Variants in PRELID2 observed in about 807,000 individuals in gnomAD.
PRELID2 encodes PRELI domain-containing protein 2.
A neutral mutation model predicts 28.4 loss-of-function variants in PRELID2; 25 were observed. That is an observed-to-expected ratio of 0.88 (90% CI 0.64 to 1.23). PRELID2 has a LOEUF of 1.23. Ranked by LOEUF, PRELID2 falls within the 50% of genes most tolerant of loss-of-function variation. PRELID2 has a pLI of 0.00. For missense variants in PRELID2, 201 were observed against 214.4 expected, an observed-to-expected ratio of 0.94 and a Z score of 0.39; for synonymous variants, 76 against 71.6, an observed-to-expected ratio of 1.06 and a Z score of -0.31.
chr5:145,420,018 T>C, the PRELID2 span, among the ~76,000 whole-genome samples: 3 of 152,174 alleles, frequency 2.0e-5, no homozygotes, highest in South Asian at 2.1e-4. Flanking sequence ...TTTTCTCAAG[T>C]TTGTCAAAGA....
At chr5:145,683,490 T>C (rs1204309929) in intron 1 of PRELID2, among the ~76,000 whole-genome samples, 2 of 152,168 alleles carry the variant, frequency 1.3e-5, no homozygotes, top group African/African-American at 2.4e-5. Flanking sequence ...TCAGGATGTT[T>C]GGTTTCTTCT....
At chr5:145,735,451 A>G (rs961522380) in intron 1 of PRELID2, among the ~76,000 whole-genome samples, 8 of 152,176 alleles carry the variant, frequency 5.3e-5, no homozygotes, top group African/African-American at 1.9e-4. Flanking sequence ...GAAAGAGGGA[A>G]AATAAGATTT....
At chr5:145,454,517 A>T in the PRELID2 span, among the ~76,000 whole-genome samples, 1 of 152,212 alleles carries the variant, frequency 6.6e-6, no homozygotes, top group Non-Finnish European at 1.5e-5. Flanking sequence ...ACATGATTGT[A>T]TATCTAGAAA....
the PRELID2 span, among the ~76,000 whole-genome samples, chr5:145,383,352 A>G: frequency 2.0e-5 from 3 of 151,108 alleles, no homozygotes; most frequent in African/African-American, 7.3e-5. Context: ...ACACACATAC[A>G]CACGTCCATA....
At chr5:145,741,943 ATAAATTTATTATAAT>A (rs374261661) in intron 1 of PRELID2, among the ~76,000 whole-genome samples, 97,553 of 122,562 alleles carry the variant, frequency 0.8, 39,592 homozygotes, top group East Asian at 0.88. Flanking sequence ...TTATAAATAA[ATAAATTTATTATAAT>A]TAAATAAATA....
chr5:145,267,701 A>T, the PRELID2 span, among the ~76,000 whole-genome samples: 91 of 152,276 alleles, frequency 6.0e-4, no homozygotes, highest in Non-Finnish European at 9.3e-4. Flanking sequence ...ATCATACGGT[A>T]GCTCTAATTT....
the PRELID2 span, among the ~76,000 whole-genome samples, chr5:145,286,732 T>TG: frequency 1.1e-3 from 164 of 147,584 alleles, no homozygotes; most frequent in African/African-American, 4.0e-3. Flanking sequence ...TTGTTTTTTT[T>TG]TTTTTTTGAG....
At chr5:145,740,303 T>TTG (rs1756629382) in intron 1 of PRELID2, among the ~76,000 whole-genome samples, 1 of 95,854 alleles carries the variant, frequency 1.0e-5, no homozygotes, top group Non-Finnish European at 2.1e-5. Context: ...TATATATATA[T>TTG]ATATATATAT....
chr5:145,748,204 G>C (rs568359489), intron 1 of PRELID2, among the ~76,000 whole-genome samples: 2 of 152,332 alleles, frequency 1.3e-5, no homozygotes, highest in African/African-American at 2.4e-5. Context: ...AATAGGAAGA[G>C]AGGAAGTCAA....
At chr5:145,652,810 A>G (rs191085767) in intron 1 of PRELID2, among the ~76,000 whole-genome samples, 37 of 152,368 alleles carry the variant, frequency 2.4e-4, no homozygotes, top group East Asian at 2.1e-3. Context: ...CAAAGTGTAA[A>G]GACCATCGAT....
the PRELID2 span, among the ~76,000 whole-genome samples, chr5:145,393,291 G>C: frequency 6.6e-6 from 1 of 152,114 alleles, no homozygotes; most frequent in Non-Finnish European, 1.5e-5. Flanking sequence ...CAAATGTCAT[G>C]CTCTTCAGGG....
chr5:145,259,886 C>T, the PRELID2 span, among the ~76,000 whole-genome samples: 1 of 152,148 alleles, frequency 6.6e-6, no homozygotes, highest in Non-Finnish European at 1.5e-5. Flanking sequence ...ATCTGTGTCA[C>T]TGCCCAAATC....
At chr5:145,794,643 GA>G (rs1426219410) in intron 5 of PRELID2, among the ~76,000 whole-genome samples, 3 of 152,112 alleles carry the variant, frequency 2.0e-5, no homozygotes, top group African/African-American at 7.2e-5. Context: ...AGGAAGCAGG[GA>G]AAGCAGTTAC....
the PRELID2 span, among the ~76,000 whole-genome samples, chr5:145,284,838 A>G: frequency 6.6e-6 from 1 of 152,142 alleles, no homozygotes; most frequent in African/African-American, 2.4e-5. Flanking sequence ...TAAACTCTTC[A>G]AAATTTTAAA....
the PRELID2 span, among the ~76,000 whole-genome samples, chr5:145,293,922 GT>G: frequency 1.3e-5 from 2 of 152,174 alleles, no homozygotes; most frequent in African/African-American, 2.4e-5. Flanking sequence ...TACTTGATGA[GT>G]CAGTATAAAG....
At chr5:145,712,919 T>C (rs1185391097) in intron 1 of PRELID2, among the ~76,000 whole-genome samples, 1 of 151,900 alleles carries the variant, frequency 6.6e-6, no homozygotes, top group Non-Finnish European at 1.5e-5. Flanking sequence ...ATATATTTGA[T>C]AGGGTTATCA....
chr5:145,689,275 G>A (rs6580382), intron 1 of PRELID2, among the ~76,000 whole-genome samples: 3,699 of 152,010 alleles, frequency 0.024, 151 homozygotes, highest in African/African-American at 0.086. Context: ...AGAGACCTCC[G>A]TGAGGCAGGT....
the PRELID2 span, among the ~76,000 whole-genome samples, chr5:145,352,471 G>A: frequency 1.4e-4 from 22 of 152,200 alleles, no homozygotes; most frequent in African/African-American, 5.1e-4. Flanking sequence ...ACCATGTCCC[G>A]AGGCCCCATA....
the PRELID2 span, among the ~76,000 whole-genome samples, chr5:145,448,043 C>A: frequency 6.6e-6 from 1 of 152,082 alleles, no homozygotes; most frequent in Admixed American, 6.5e-5. Flanking sequence ...TGAGGAATCA[C>A]CACACTGACT....
Sources: allele counts gnomAD v4.1 joint callset (sites outside exome capture counted in the v4.1 genomes callset), GRCh38; gene constraint gnomAD v4.1.1; transcripts MANE v1.5; gene names NCBI Gene and HGNC (gene_info 2026-07-23, HGNC 2026-07-21).